NHSL3: variants seen among roughly 807,000 people sequenced by gnomAD.
NHSL3 encodes NHS-like protein 3.
chr1:32,762,050 C>T, the NHSL3 span, among the ~76,000 whole-genome samples: 4 of 152,198 alleles, frequency 2.6e-5, no homozygotes, highest in Non-Finnish European at 5.9e-5. Flanking sequence ...CTTGCTCCCT[C>T]TGGTTTCCAT....
At chr1:32,742,174 A>G in the NHSL3 span, 2 of 1,247,810 alleles carry the variant, frequency 1.6e-6, no homozygotes, top group Non-Finnish European at 2.0e-6. Context: ...CAAGAGGGCC[A>G]AGGGCAAAGG....
At chr1:32,772,836 G>A in the NHSL3 span, 3 of 1,613,220 alleles carry the variant, frequency 1.9e-6, no homozygotes, top group East Asian at 6.7e-5. Flanking sequence ...GAGGCCCCTT[G>A]CTAAGTGTCT....
the NHSL3 span, chr1:32,772,046 C>G: frequency 6.2e-7 from 1 of 1,608,656 alleles, no homozygotes; most frequent in South Asian, 1.1e-5. Flanking sequence ...AACGGACCGC[C>G]TGAGGCAGAG....
chr1:32,768,076 A>G, the NHSL3 span: 8 of 1,614,088 alleles, frequency 5.0e-6, no homozygotes, highest in Non-Finnish European at 6.8e-6. Flanking sequence ...ACAGAAACTG[A>G]ACAAGGGTGG....
At chr1:32,770,343 C>T in the NHSL3 span, 1 of 1,611,398 alleles carries the variant, frequency 6.2e-7, no homozygotes, top group South Asian at 1.1e-5. This position sits in a 1 kb window ranked among gnomAD's most constrained non-coding sequence, Gnocchi z 8.3. Flanking sequence ...CCAGCCCAGC[C>T]TCAGTCCGCT....
the NHSL3 span, chr1:32,754,325 A>G: frequency 3.5e-6 from 2 of 572,156 alleles, no homozygotes; most frequent in Non-Finnish European, 6.4e-6. Flanking sequence ...CCTCACAGGC[A>G]CACGGAGACA....
At chr1:32,769,659 C>T in the NHSL3 span, 53 of 1,600,300 alleles carry the variant, frequency 3.3e-5, no homozygotes, top group Admixed American at 2.9e-4. Flanking sequence ...TTTTCTCCCA[C>T]GACTGGCCCC....
chr1:32,752,938 CACACACACACACATATATAT>C, the NHSL3 span, among the ~76,000 whole-genome samples: 17,496 of 38,320 alleles, frequency 0.46, 1,675 homozygotes, highest in South Asian at 0.52. Context: ...CACACACACA[CACACACACACACATATATAT>C]ATATATATAT....
At chr1:32,751,647 G>C in the NHSL3 span, among the ~76,000 whole-genome samples, 1 of 152,190 alleles carries the variant, frequency 6.6e-6, no homozygotes, top group African/African-American at 2.4e-5. Context: ...GCTGGGGGAA[G>C]AGGGGGTGCA....
the NHSL3 span, among the ~76,000 whole-genome samples, chr1:32,742,829 T>A: frequency 5.3e-5 from 8 of 152,288 alleles, no homozygotes; most frequent in East Asian, 1.5e-3. Flanking sequence ...TCCCTATCAC[T>A]CCTTCTTCCA....
chr1:32,752,309 G>A, the NHSL3 span, among the ~76,000 whole-genome samples: 1 of 152,180 alleles, frequency 6.6e-6, no homozygotes, highest in Non-Finnish European at 1.5e-5. Context: ...GGGTTTGCTG[G>A]AGCCATCGGG....
chr1:32,767,153 C>T, the NHSL3 span, among the ~76,000 whole-genome samples: 2 of 152,168 alleles, frequency 1.3e-5, no homozygotes, highest in South Asian at 2.1e-4. Context: ...CCTGATTTCC[C>T]GTGATATCTT....
At chr1:32,766,242 G>T in the NHSL3 span, among the ~76,000 whole-genome samples, 2 of 152,128 alleles carry the variant, frequency 1.3e-5, no homozygotes, top group Non-Finnish European at 2.9e-5. Flanking sequence ...GTGAAATCCT[G>T]TTTAGAGGCC....
At chr1:32,765,552 T>G in the NHSL3 span, 2 of 1,341,672 alleles carry the variant, frequency 1.5e-6, no homozygotes, top group Non-Finnish European at 2.0e-6. Context: ...TGCACCCCAT[T>G]TAAGGGGTGG....
At chr1:32,754,305 A>G in the NHSL3 span, 1 of 578,838 alleles carries the variant, frequency 1.7e-6, no homozygotes, top group Non-Finnish European at 3.2e-6. Flanking sequence ...ATCCCCGCGC[A>G]GACCCCACCC....
the NHSL3 span, among the ~76,000 whole-genome samples, chr1:32,760,594 T>G: frequency 3.3e-5 from 5 of 150,180 alleles, no homozygotes; most frequent in Non-Finnish European, 5.9e-5. Context: ...GTGTGTTTTT[T>G]TTTTTTTTTT....
chr1:32,768,124 C>G, the NHSL3 span: 2 of 1,577,540 alleles, frequency 1.3e-6, no homozygotes, highest in Non-Finnish European at 1.7e-6. Flanking sequence ...CCAGGTGAGC[C>G]CTGCCTCCAG....
At chr1:32,772,114 A>G in the NHSL3 span, 1 of 1,613,280 alleles carries the variant, frequency 6.2e-7, no homozygotes, top group Non-Finnish European at 8.5e-7. Context: ...CAAGGGCTCT[A>G]GGAAGCTGCA....
the NHSL3 span, chr1:32,773,845 CTTCA>C: frequency 6.5e-6 from 1 of 152,762 alleles, no homozygotes; most frequent in Non-Finnish European, 1.5e-5. Context: ...GCCCTCCACA[CTTCA>C]TTCTCTGACC....
Sources: allele counts gnomAD v4.1 joint callset (sites outside exome capture counted in the v4.1 genomes callset), GRCh38; gene constraint gnomAD v4.1.1; non-coding constraint Gnocchi (gnomAD v3.1); transcripts MANE v1.5; gene names NCBI Gene and HGNC (gene_info 2026-07-23, HGNC 2026-07-21).